Variants in ONECUT2 observed in about 807,000 individuals in gnomAD.
The protein encoded by ONECUT2 is one cut homeobox 2, also known as one cut domain family member 2.
ONECUT2 carries 10 observed loss-of-function variants against 27.9 expected under a neutral mutation model. That is an observed-to-expected ratio of 0.36 (90% confidence interval 0.22 to 0.61). The LOEUF is 0.61. ONECUT2 is among the 20% of genes least tolerant of loss of function. ONECUT2 has a pLI of 0.73. For synonymous variants in ONECUT2, 334 were observed against 315.1 expected (o/e 1.06, Z -0.64); for missense variants, 686 against 721.0 (o/e 0.95, Z 0.56).
rs771192340 is a variant in ONECUT2, at chr18:57,436,441, C to G, written c.725C>G (p.Ala242Gly). 6.2e-7 allele frequency: 1 copy of G among 1,612,736 alleles called. No individual in the cohort carries two copies. Among genetic ancestry groups the G allele is most frequent in the South Asian group, 1.1e-5 (1 of 91,042 alleles). ...LGNGLGGLHN[A>G]QQSLPNYGPP... ...AACGGGCTAGGCGGCCTCCACAACG[C>G]GCAGCAGAGTCTGCCCAACTACGGT... Residue 242 changes from alanine (A) to glycine (G), a missense_variant, in exon 1 of 2, where the codon GCG becomes GGG. By Grantham distance (60) the Ala-to-Gly change is moderately conservative (BLOSUM62 0). Around this residue, in one of 4 missense-constraint regions of ONECUT2, gnomAD observed 511 missense variants for 488.1 expected, o/e 1.05. Transcript: ENST00000491143. This position sits in a 1 kb window ranked among gnomAD's most constrained non-coding sequence, Gnocchi z 5.9.
chr18:57,462,459 C>T (rs997262871), intron 1 of ONECUT2, among the ~76,000 whole-genome samples: 1 of 152,134 alleles, frequency 6.6e-6, no homozygotes, highest in African/African-American at 2.4e-5. Context: ...GATCATAGCT[C>T]ACTGCAGCTT....
chr18:57,436,674 T>A lies in ONECUT2; in HGVS notation c.958T>A (p.Ser320Thr). The change falls in exon 1 of 2, where the codon TCG becomes ACG. Residue 320 changes from serine (S) to threonine (T), a missense_variant. Ser to Thr is a moderately conservative substitution (Grantham distance 58, BLOSUM62 1). Transcript: ENST00000491143. This position sits in a 1 kb window ranked among gnomAD's most constrained non-coding sequence, Gnocchi z 5.9. ...PSRERPPSSSSGSQVATSGQL... is the reference protein window; with the variant it reads ...PSRERPPSSSTGSQVATSGQL... Reference sequence around the variant, plus strand: ...TCGCGAGCGGCCACCCTCGTCCTCATCGGGCTCGCAGGTGGCCACGTCGGG... The same window carrying A: ...TCGCGAGCGGCCACCCTCGTCCTCAACGGGCTCGCAGGTGGCCACGTCGGG... 1 of 1,613,092 alleles carries A rather than the reference T, an allele frequency of 6.2e-7. No individual in the cohort carries two copies. Among genetic ancestry groups the A allele is most frequent in the Non-Finnish European group, 8.5e-7 (1 of 1,179,972 alleles).
intron 1 of ONECUT2, among the ~76,000 whole-genome samples, chr18:57,437,927 G>A (rs1406951506): frequency 5.9e-5 from 9 of 152,236 alleles, no homozygotes; most frequent in African/African-American, 1.9e-4. Flanking sequence ...GATTGTGCGC[G>A]CCTGGCGACC....
chr18:57,465,642 T>C (rs1260249836), intron 1 of ONECUT2, among the ~76,000 whole-genome samples: 1 of 152,256 alleles, frequency 6.6e-6, no homozygotes, highest in Non-Finnish European at 1.5e-5. Context: ...GTAAATTTTC[T>C]CTGGTTTTCA....
chr18:57,463,764 T>G (rs1239797425), intron 1 of ONECUT2, among the ~76,000 whole-genome samples: 1 of 152,214 alleles, frequency 6.6e-6, no homozygotes, highest in Non-Finnish European at 1.5e-5. Context: ...CTGTTTGATG[T>G]GTTATGGAGA....
At chr18:57,473,473 G>A (rs1202655543) in intron 1 of ONECUT2, among the ~76,000 whole-genome samples, 6 of 152,134 alleles carry the variant, frequency 3.9e-5, no homozygotes, top group Non-Finnish European at 5.9e-5. Flanking sequence ...TTATTTAGAT[G>A]AGGAAGACAG....
chr18:57,472,356 C>T (rs1404749706), intron 1 of ONECUT2, among the ~76,000 whole-genome samples: 2 of 152,148 alleles, frequency 1.3e-5, no homozygotes, highest in East Asian at 1.9e-4. Context: ...AGCTCCCAGA[C>T]GTCATTGGAT....
At chr18:57,441,696 G>A (rs1370895736) in intron 1 of ONECUT2, among the ~76,000 whole-genome samples, 3 of 152,252 alleles carry the variant, frequency 2.0e-5, no homozygotes, top group Non-Finnish European at 4.4e-5. Flanking sequence ...AAAATGACGT[G>A]GCTAAAGCTG....
intron 1 of ONECUT2, among the ~76,000 whole-genome samples, chr18:57,473,102 T>C (rs1404343761): frequency 6.6e-6 from 1 of 152,180 alleles, no homozygotes; most frequent in Non-Finnish European, 1.5e-5. Context: ...CAGAGGTTTA[T>C]AGAAGCACAG....
chr18:57,463,356 G>A (rs77808038), intron 1 of ONECUT2, among the ~76,000 whole-genome samples: 51 of 152,310 alleles, frequency 3.3e-4, no homozygotes, highest in Non-Finnish European at 6.3e-4. Context: ...GATCTTGGTA[G>A]TTGAAACAGA....
At chr18:57,440,971 G>C (rs1385549496) in intron 1 of ONECUT2, among the ~76,000 whole-genome samples, 1 of 152,208 alleles carries the variant, frequency 6.6e-6, no homozygotes, top group Non-Finnish European at 1.5e-5. Flanking sequence ...GTTCGCTGCA[G>C]TCTGTGCTTC....
rs1319179750 is a variant in ONECUT2, at chr18:57,488,198, T to G, written c.*11475T>G. On this transcript the variant is annotated 3_prime_UTR_variant, in exon 2 of 2. Coordinates refer to ENST00000491143, the MANE Select transcript of ONECUT2 (RefSeq NM_004852.3). The stretch of plus-strand genomic sequence containing the variant: ...ATATAGTCTTTTTATTTTTCTCTTA[T>G]TAATCTGCCAAAGATGGGAACAGAT... 1 of 152,692 alleles carries G rather than the reference T, an allele frequency of 6.5e-6. No individual in the cohort carries two copies. Among genetic ancestry groups the G allele is most frequent in the Non-Finnish European group, 1.5e-5 (1 of 68,046 alleles). The allele number at this position is 152,692 out of a possible 1,614,324, so 9.5% of individuals were successfully genotyped here.
intron 1 of ONECUT2, among the ~76,000 whole-genome samples, chr18:57,443,692 A>T (rs2144297502): frequency 6.6e-6 from 1 of 152,298 alleles, no homozygotes; most frequent in South Asian, 2.1e-4. Flanking sequence ...AGCCCATCTA[A>T]TGCCTGACAT....
chr18:57,465,320 C>T (rs944351845), intron 1 of ONECUT2, among the ~76,000 whole-genome samples: 2 of 152,074 alleles, frequency 1.3e-5, no homozygotes, highest in African/African-American at 2.4e-5. Flanking sequence ...ACACCACCCA[C>T]GCCTGGCTAA....
chr18:57,462,148 T>G (rs1418693580), intron 1 of ONECUT2, among the ~76,000 whole-genome samples: 1 of 152,230 alleles, frequency 6.6e-6, no homozygotes, highest in African/African-American at 2.4e-5. Context: ...TAATTTGCAA[T>G]TCCTGGATTA....
chr18:57,441,055 GACCCGAGGGAGGAGAGTGA>G (rs2050171518), intron 1 of ONECUT2, among the ~76,000 whole-genome samples: 1 of 152,216 alleles, frequency 6.6e-6, no homozygotes, highest in Non-Finnish European at 1.5e-5. Flanking sequence ...GAGGAGGCGG[GACCCGAGGGAGGAGAGTGA>G]ACCCGAGCAG....
At chr18:57,439,454 C>T (rs1339290930) in intron 1 of ONECUT2, among the ~76,000 whole-genome samples, 1 of 152,210 alleles carries the variant, frequency 6.6e-6, no homozygotes, top group Non-Finnish European at 1.5e-5. Context: ...AGAGCTTTAG[C>T]CTTTTTATCT....
chr18:57,443,899 T>C (rs1418850569), intron 1 of ONECUT2, among the ~76,000 whole-genome samples: 1 of 152,246 alleles, frequency 6.6e-6, no homozygotes, highest in Non-Finnish European at 1.5e-5. Context: ...TACTCTTCTG[T>C]AGAAAGCAGA....
chr18:57,468,003 GC>G (rs1187328747), intron 1 of ONECUT2, among the ~76,000 whole-genome samples: 1 of 152,210 alleles, frequency 6.6e-6, no homozygotes, highest in Non-Finnish European at 1.5e-5. Flanking sequence ...GCTCCAACTA[GC>G]CCATAGGTGG....
Sources: gnomAD v4.1 joint callset for allele counts (sites outside exome capture counted in the v4.1 genomes callset) on GRCh38, gnomAD v4.1.1 for gene constraint, gnomAD v4.1.1 regional missense constraint, Gnocchi (gnomAD v3.1) non-coding constraint, MANE v1.5 for transcripts, NCBI Gene and HGNC (gene_info 2026-07-23, HGNC 2026-07-21) for gene names.